NOS1: variants seen among roughly 807,000 people sequenced by gnomAD.
The protein encoded by NOS1 is nitric oxide synthase 1, also known as NOS type I.
A neutral mutation model predicts 164.5 loss-of-function variants in NOS1; 51 were observed. The ratio of observed to expected loss-of-function variants is 0.31; its 90% CI spans 0.25 to 0.39. The LOEUF (loss-of-function observed/expected upper bound fraction) is 0.39, where lower values mean the gene tolerates loss of function less well. Among genes scored for constraint, NOS1 ranks in the 10% least tolerant of loss-of-function variants. The probability of loss-of-function intolerance (pLI) is 1.00; values close to 1 mark genes in which losing one functional copy is unlikely to be tolerated. For synonymous variants in NOS1, 719 were observed against 745.8 expected (o/e 0.96, Z 0.59); for missense variants, 1,362 against 1,885.6 (o/e 0.72, Z 5.14).
At chr12:117,226,887 T>G in intron 23 of NOS1, 117 bp from the exon 24 acceptor site, 168 of 717,244 alleles carry the variant, frequency 2.3e-4, no homozygotes, top group Middle Eastern at 3.8e-4. Flanking sequence ...TTGGAATTCC[T>G]CCCCAGGATC....
intron 1 of NOS1, chr12:117,348,477 T>C (rs1344789268): frequency 6.6e-6 from 1 of 152,222 alleles, no homozygotes; most frequent in Admixed American, 6.5e-5. Flanking sequence ...ATGTTTCCCA[T>C]GCTGCTCTTA....
intron 17 of NOS1, among the ~76,000 whole-genome samples, chr12:117,251,482 G>C (rs923317924): frequency 1.3e-5 from 2 of 151,960 alleles, no homozygotes; most frequent in Admixed American, 1.3e-4. Context: ...GCGTGATCAT[G>C]GCTCACCATA....
Position 117,209,062 on chromosome 12 carries a change from C to G in NOS1, c.*6247G>C. The G allele has an allele frequency of 1.0e-6, 1 of 985,318 alleles. No homozygotes were observed. Among genetic ancestry groups the G allele is most frequent in the Non-Finnish European group, 1.2e-6 (1 of 829,922 alleles). The allele number at this position is 985,318 out of a possible 1,614,324, so 61.0% of individuals were successfully genotyped here. On this transcript the variant is annotated 3_prime_UTR_variant, in exon 29 of 29. Coordinates refer to ENST00000317775, the MANE Select transcript of NOS1 (RefSeq NM_000620.5). ...GAAAGCATACTGCCCTCCCCATGCC[C>G]CCTCCCCCGGACACCCTCAAATCCC...
In NOS1 at chr12:117,253,740, C is replaced by T. The variant is rs1196540880; in HGVS notation, c.2546G>A (p.Arg849Gln). ...VQEERKSYKVRFNSVSSYSDS... is the reference protein window; with the variant it reads ...VQEERKSYKVQFNSVSSYSDS... The stretch of plus-strand genomic sequence containing the variant: ...AGAGTAGGAGGAGACGCTGTTGAAT[C>T]GGACCTTGTAGCTCCTGCCAAAACC... Residue 849 changes from arginine (R) to glutamine (Q), a missense_variant, in exon 17 of 29, where the codon CGA becomes CAA. Physicochemically the swap from Arg to Gln is conservative, Grantham distance 43. Around this residue, in one of 4 missense-constraint regions of NOS1, gnomAD observed 737 missense variants for 1,030.3 expected, o/e 0.72. Transcript: ENST00000317775. The T allele has an allele frequency of 5.6e-6, 9 of 1,613,708 alleles. No homozygotes were observed. The highest frequency in any genetic ancestry group is 5.0e-5 in the Admixed American group (3 of 59,986).
chr12:117,352,165 G>A (rs970386020), intron 1 of NOS1, among the ~76,000 whole-genome samples: 1 of 149,084 alleles, frequency 6.7e-6, no homozygotes, highest in Non-Finnish European at 1.5e-5. Context: ...AGAGTAAGAC[G>A]CTGTCTCAGA....
At chr12:117,354,356 C>G (rs117965489) in intron 1 of NOS1, among the ~76,000 whole-genome samples, 3 of 152,158 alleles carry the variant, frequency 2.0e-5, no homozygotes, top group African/African-American at 7.2e-5. Flanking sequence ...CAGTGACTAC[C>G]ATGATATTAG....
At chr12:117,284,655 C>G (rs1026538327) in intron 7 of NOS1, among the ~76,000 whole-genome samples, 1 of 152,154 alleles carries the variant, frequency 6.6e-6, no homozygotes, top group African/African-American at 2.4e-5. Context: ...AGGAAAGATA[C>G]TGAACTGTGG....
At position 117,208,878 on chromosome 12, in the gene NOS1, A is replaced by C; in HGVS notation, c.*6431T>G. On this transcript the variant is annotated 3_prime_UTR_variant, in exon 29 of 29. Transcript: ENST00000317775. ...GATGGGATTACAGATGCCCGCCACC[A>C]CGCCGGGCTGATTTTTGTATTTTTA... 1.7e-6 allele frequency: 1 copy of C among 599,324 alleles called. No homozygotes were observed. Among genetic ancestry groups the C allele is most frequent in the Non-Finnish European group, 2.1e-6 (1 of 476,970 alleles). The allele number at this position is 599,324 out of a possible 1,614,324, so 37.1% of individuals were successfully genotyped here. A position where few individuals can be genotyped will look rare whatever the true frequency, so the allele number is the denominator to read the frequency against.
At chr12:117,284,340 C>A (rs1026881323) in intron 7 of NOS1, among the ~76,000 whole-genome samples, 2 of 152,154 alleles carry the variant, frequency 1.3e-5, no homozygotes, top group Non-Finnish European at 2.9e-5. Flanking sequence ...TCCACCTGTC[C>A]CTCTCCCAGC....
At chr12:117,224,715 T>C (rs1592927068) in intron 25 of NOS1, among the ~76,000 whole-genome samples, 1 of 152,252 alleles carries the variant, frequency 6.6e-6, no homozygotes, top group African/African-American at 2.4e-5. Flanking sequence ...TACATAAGCA[T>C]AGCCATTTGA....
intron 2 of NOS1, among the ~76,000 whole-genome samples, chr12:117,316,150 CAG>C (rs1404126067): frequency 6.6e-6 from 1 of 152,150 alleles, no homozygotes; most frequent in East Asian, 1.9e-4. Context: ...TCTATATTGT[CAG>C]ACAGTGCAGC....
rs201760168 is a variant in NOS1 at position 117,226,703 on chromosome 12, C to G, written c.3684G>C (p.Leu1228=). Residue 1228 remains leucine (L), a synonymous_variant, in exon 24 of 29, where the codon CTG becomes CTC. Transcript: ENST00000317775. The part of the protein sequence containing the change: ...SWLNRIQADE[L]VPCFVRGAPS... ...CTCACCCTCTCACGAAACAGGGGAC[C>G]AGTTCGTCAGCCTGTATCCGGTTGA... is the stretch of plus-strand genomic sequence containing the variant. 6.4e-5 allele frequency: 103 copies of G among 1,613,912 alleles called. No individual in the cohort carries two copies. The Middle Eastern group carries it at 8.2e-4, about 13-fold the overall frequency.
At chr12:117,279,831 C>G (rs564835316) in intron 8 of NOS1, among the ~76,000 whole-genome samples, 2 of 152,310 alleles carry the variant, frequency 1.3e-5, no homozygotes, top group Non-Finnish European at 2.9e-5. Context: ...TGGTTACAGT[C>G]CCCTCCTCAT....
chr12:117,298,244 G>T (rs1267287969), intron 3 of NOS1, among the ~76,000 whole-genome samples: 1 of 151,964 alleles, frequency 6.6e-6, no homozygotes, highest in African/African-American at 2.4e-5. Context: ...AGGCAGCCTA[G>T]ATCCCTTGCA....
intron 3 of NOS1, among the ~76,000 whole-genome samples, chr12:117,306,570 CTAA>C (rs1874157169): frequency 1.3e-5 from 2 of 151,584 alleles, no homozygotes; most frequent in South Asian, 4.2e-4. Flanking sequence ...CCTCAGAGAA[CTAA>C]TAATGATCCT....
chr12:117,217,025 G>C lies in NOS1; in HGVS notation c.4289+1021C>G, dbSNP rs542562138. ...GTTCTGTGGCAGGGACTGGGGCGGG[G>C]AGCACTGGGAAGTGAAATTACGATC... On this transcript the variant is annotated intron_variant, in intron 28 of 28. Transcript: ENST00000317775. 9.2e-5 allele frequency among the ~76,000 whole-genome samples: 14 copies of C among 152,228 alleles called. No homozygotes were observed. In the South Asian group the frequency reaches 2.9e-3, roughly 32 times the overall value.
At position 117,212,945 on chromosome 12, in the gene NOS1, G is replaced by A; in HGVS notation, c.*2364C>T. ...CTGGAGTTGTGAAGCAGCTTGTGTTGGGGATTGAAAGGTGTTTACTTAAAA... is the reference window on the plus strand; with the variant it reads ...CTGGAGTTGTGAAGCAGCTTGTGTTAGGGATTGAAAGGTGTTTACTTAAAA... On this transcript the variant is annotated 3_prime_UTR_variant, in exon 29 of 29. Coordinates refer to ENST00000317775, the MANE Select transcript of NOS1 (RefSeq NM_000620.5). The A allele has an allele frequency of 3.0e-6, 3 of 985,374 alleles. No homozygotes were observed. Among genetic ancestry groups the A allele is most frequent in the Non-Finnish European group, 3.6e-6 (3 of 829,936 alleles). 61.0% of individuals were successfully genotyped at this position (985,374 alleles called of 1,614,324 possible). A position where few individuals can be genotyped will look rare whatever the true frequency, so the allele number is the denominator to read the frequency against.
At chr12:117,263,052 T>C (rs1872072187) in intron 13 of NOS1, among the ~76,000 whole-genome samples, 1 of 152,136 alleles carries the variant, frequency 6.6e-6, no homozygotes, top group African/African-American at 2.4e-5. Context: ...AGCTGCCATG[T>C]TTACTGTATT....
chr12:117,238,516 T>C (rs1167061728), intron 20 of NOS1, among the ~76,000 whole-genome samples: 1 of 152,042 alleles, frequency 6.6e-6, no homozygotes, highest in Non-Finnish European at 1.5e-5. Context: ...TCTTTTCTTT[T>C]CTTTTCTTTT....
Sources: gnomAD v4.1 joint callset for allele counts (sites outside exome capture counted in the v4.1 genomes callset) on GRCh38, gnomAD v4.1.1 for gene constraint, gnomAD v4.1.1 regional missense constraint, MANE v1.5 for transcripts, NCBI Gene and HGNC (gene_info 2026-07-23, HGNC 2026-07-21) for gene names.